NFAM1: variants seen among roughly 807,000 people sequenced by gnomAD.
The protein encoded by NFAM1 is NFAT activation molecule 1.
Under a neutral mutation model 29.0 loss-of-function variants are expected in NFAM1, and 17 were observed. The observed-to-expected ratio is 0.59, with a 90% CI of 0.40 to 0.88. The LOEUF (loss-of-function observed/expected upper bound fraction) is 0.88. NFAM1 is among the 40% of genes least tolerant of loss of function. The probability of loss-of-function intolerance (pLI) is 0.00; values close to 1 mark genes in which losing one functional copy is unlikely to be tolerated. For missense variants in NFAM1, 324 were observed against 344.6 expected (o/e 0.94, Z 0.47); for synonymous variants, 175 against 147.2 (o/e 1.19, Z -1.36).
At chr22:42,417,223 G>T (rs991532238) in intron 1 of NFAM1, among the ~76,000 whole-genome samples, 1 of 152,216 alleles carries the variant, frequency 6.6e-6, no homozygotes, top group African/African-American at 2.4e-5. Flanking sequence ...TTGAAGTTTT[G>T]TCTGTTACAC....
chr22:42,380,642 G>C lies in NFAM1; in HGVS notation c.*4519C>G, dbSNP rs375582111. 1 of 152,660 alleles carries C rather than the reference G, an allele frequency of 6.6e-6. No homozygotes were observed. The highest frequency in any genetic ancestry group is 1.5e-5 in the Non-Finnish European group (1 of 68,040). The allele number at this position is 152,660 out of a possible 1,614,324, so 9.5% of individuals were successfully genotyped here. ...CTGGCATTGCAAGGAATGGAGTGAC[G>C]CCACTCAGCCTGGCTGGACTGAGCC... On this transcript the variant is annotated 3_prime_UTR_variant, in exon 6 of 6. Coordinates refer to ENST00000329021, the MANE Select transcript of NFAM1 (RefSeq NM_145912.8).
chr22:42,436,860 A>G (rs989102275), upstream of NFAM1: 2 of 334,426 alleles, frequency 6.0e-6, no homozygotes, highest in Middle Eastern at 1.5e-3. Flanking sequence ...GGCTTTAACC[A>G]CTGCGCTCTC....
At chr22:42,408,332 G>A (rs959635077) in intron 3 of NFAM1, among the ~76,000 whole-genome samples, 6 of 152,138 alleles carry the variant, frequency 3.9e-5, no homozygotes, top group African/African-American at 1.5e-4. Flanking sequence ...TTCTCTGGGT[G>A]TGGGTAGGGT....
intron 3 of NFAM1, among the ~76,000 whole-genome samples, chr22:42,402,220 A>T (rs1357780048): frequency 3.3e-5 from 5 of 152,136 alleles, no homozygotes; most frequent in Admixed American, 3.3e-4. Context: ...GGATGTGGGG[A>T]GAGAGAAGAG....
intron 1 of NFAM1, among the ~76,000 whole-genome samples, chr22:42,426,189 G>C (rs8138168): frequency 0.13 from 19,546 of 152,150 alleles, 2,002 homozygotes; most frequent in African/African-American, 0.29. Context: ...AGGGGTGGCC[G>C]AGGGATGGGG....
chr22:42,385,103 G>T lies in NFAM1; in HGVS notation c.*58C>A. ...CCAACTCAGATCAAGTCCTTTGGTG[G>T]CAGGGGCTGCCCCGGTCCTCTGACC... On this transcript the variant is annotated 3_prime_UTR_variant, in exon 6 of 6. Coordinates refer to ENST00000329021, the MANE Select transcript of NFAM1 (RefSeq NM_145912.8). 2 of 1,314,278 alleles carry T rather than the reference G, an allele frequency of 1.5e-6. No homozygotes were observed. The highest frequency in any genetic ancestry group is 2.4e-5 in the South Asian group (2 of 85,060). 81.4% of individuals were successfully genotyped at this position (1,314,278 alleles called of 1,614,324 possible). A position where few individuals can be genotyped will look rare whatever the true frequency, so the allele number is the denominator to read the frequency against.
intron 1 of NFAM1, among the ~76,000 whole-genome samples, chr22:42,417,156 G>A (rs573790632): frequency 1.1e-4 from 16 of 152,322 alleles, no homozygotes; most frequent in Non-Finnish European, 1.9e-4. Flanking sequence ...GAGGCACCTC[G>A]CCCCTCACCC....
Position 42,385,116 on chromosome 22 carries a change from C to G in NFAM1, c.*45G>C, listed in dbSNP as rs560043090. ...AGTCCTTTGGTGGCAGGGGCTGCCC[C>G]GGTCCTCTGACCCAGGGCAAGCTCT... On this transcript the variant is annotated 3_prime_UTR_variant, in exon 6 of 6. Transcript: ENST00000329021. 48 of 1,476,160 alleles carry G rather than the reference C, an allele frequency of 3.3e-5. No homozygotes were observed. Among genetic ancestry groups the G allele is most frequent in the Admixed American group, 1.3e-4 (8 of 59,822 alleles). The allele number at this position is 1,476,160 out of a possible 1,614,324, so 91.4% of individuals were successfully genotyped here.
intron 1 of NFAM1, among the ~76,000 whole-genome samples, chr22:42,418,464 G>A (rs367600313): frequency 2.0e-5 from 3 of 152,284 alleles, no homozygotes; most frequent in African/African-American, 7.2e-5. Flanking sequence ...GGCCGAGGCA[G>A]GCAGATCACA....
chr22:42,421,385 C>T (rs1601758937), intron 1 of NFAM1, among the ~76,000 whole-genome samples: 2 of 143,110 alleles, frequency 1.4e-5, no homozygotes, highest in Admixed American at 7.5e-5. Flanking sequence ...GCAGAGGTTG[C>T]GGTGAGCCGA....
chr22:42,390,097 G>A (rs984094509), intron 4 of NFAM1, among the ~76,000 whole-genome samples: 3 of 152,076 alleles, frequency 2.0e-5, no homozygotes, highest in African/African-American at 4.8e-5. Context: ...AGGGCCTGGA[G>A]GCTGAGAGTA....
At chr22:42,397,347 C>T (rs1018843633) in intron 4 of NFAM1, among the ~76,000 whole-genome samples, 1 of 152,188 alleles carries the variant, frequency 6.6e-6, no homozygotes, top group Admixed American at 6.5e-5. Context: ...GGTCCCAACG[C>T]ATGTCTGCGC....
intron 3 of NFAM1, among the ~76,000 whole-genome samples, chr22:42,399,882 TACTTAACTCGCAGGCAGAA>T (rs1324629574): frequency 1.3e-5 from 2 of 152,204 alleles, no homozygotes; most frequent in African/African-American, 4.8e-5. Flanking sequence ...TGCTGAGAGC[TACTTAACTCGCAGGCAGAA>T]GCCGGCGCCA....
At chr22:42,432,941 G>A (rs1410981002), upstream of NFAM1, among the ~76,000 whole-genome samples, 4 of 151,964 alleles carry the variant, frequency 2.6e-5, no homozygotes, top group African/African-American at 7.3e-5. Flanking sequence ...TTCACCCAGC[G>A]AGAACCTCTG....
At chr22:42,420,600 T>C (rs1038598001) in intron 1 of NFAM1, among the ~76,000 whole-genome samples, 1 of 152,048 alleles carries the variant, frequency 6.6e-6, no homozygotes, top group African/African-American at 2.4e-5. Context: ...ACACTGTCTC[T>C]ACTAAAAATA....
chr22:42,423,307 G>T (rs1237429752), intron 1 of NFAM1, among the ~76,000 whole-genome samples: 1 of 152,036 alleles, frequency 6.6e-6, no homozygotes. Flanking sequence ...CCAGACAGGG[G>T]GGCCCATCTC....
chr22:42,434,744 G>A (rs768792811), upstream of NFAM1, among the ~76,000 whole-genome samples: 1 of 152,274 alleles, frequency 6.6e-6, no homozygotes, highest in African/African-American at 2.4e-5. Context: ...AGGCGGAGCA[G>A]AGGAATGAGG....
upstream of NFAM1, among the ~76,000 whole-genome samples, chr22:42,434,959 G>C (rs528873373): frequency 1.7e-4 from 26 of 152,344 alleles, no homozygotes; most frequent in South Asian, 5.2e-3. Flanking sequence ...CTGGCCTCAC[G>C]GAGGCTGTAG....
chr22:42,434,220 C>G (rs977501489), upstream of NFAM1, among the ~76,000 whole-genome samples: 10 of 152,198 alleles, frequency 6.6e-5, no homozygotes, highest in African/African-American at 2.4e-4. Context: ...CCTCCCCTCT[C>G]CTTCTTGAGC....
Sources: gnomAD v4.1 joint callset for allele counts (sites outside exome capture counted in the v4.1 genomes callset) on GRCh38, gnomAD v4.1.1 for gene constraint, MANE v1.5 for transcripts, NCBI Gene and HGNC (gene_info 2026-07-23, HGNC 2026-07-21) for gene names.